Variants in STK32B observed in about 807,000 individuals in gnomAD.
STK32B encodes serine/threonine kinase 32B.
STK32B carries 43 observed loss-of-function variants against 52.6 expected under a neutral mutation model. The observed-to-expected ratio is 0.82, with a 90% confidence interval of 0.64 to 1.05. The LOEUF is 1.05. Ranked by LOEUF, STK32B falls within the 50% of genes least tolerant of loss-of-function variation. The pLI is 0.00. For synonymous variants in STK32B, 238 were observed against 204.3 expected (o/e 1.17, Z -1.41); for missense variants, 621 against 534.6 (o/e 1.16, Z -1.59).
intron 11 of STK32B, among the ~76,000 whole-genome samples, chr4:5,485,754 G>A (rs1044042470): frequency 6.6e-6 from 1 of 152,176 alleles, no homozygotes; most frequent in Non-Finnish European, 1.5e-5. Context: ...GTGATGTACA[G>A]ATGGGGTTTT....
chr4:5,458,227 T>C (rs1274645726), intron 8 of STK32B, among the ~76,000 whole-genome samples: 1 of 152,194 alleles, frequency 6.6e-6, no homozygotes, highest in Non-Finnish European at 1.5e-5. Context: ...GAGATCTTGG[T>C]GCCCTGCCTT....
intron 3 of STK32B, among the ~76,000 whole-genome samples, chr4:5,295,888 T>C (rs1316481185): frequency 6.6e-6 from 1 of 152,206 alleles, no homozygotes; most frequent in South Asian, 2.1e-4. Context: ...TTTCCCACTT[T>C]CTGATGTGGG....
chr4:5,116,488 T>A (rs1444951433), intron 1 of STK32B, among the ~76,000 whole-genome samples: 1 of 152,216 alleles, frequency 6.6e-6, no homozygotes, highest in African/African-American at 2.4e-5. Context: ...CTCATATACT[T>A]ATTTTGGGGG....
intron 7 of STK32B, among the ~76,000 whole-genome samples, chr4:5,448,323 T>C (rs1715658787): frequency 6.6e-6 from 1 of 152,248 alleles, no homozygotes; most frequent in Non-Finnish European, 1.5e-5. Flanking sequence ...GCCTGTGTGG[T>C]GTTCCTGCTC....
chr4:5,468,833 C>T (rs370318493), intron 11 of STK32B, among the ~76,000 whole-genome samples: 4 of 152,022 alleles, frequency 2.6e-5, no homozygotes, highest in Non-Finnish European at 5.9e-5. Context: ...GAGGCTGAGG[C>T]GGGCAGATCA....
chr4:5,201,458 C>T (rs1247852550), intron 3 of STK32B, among the ~76,000 whole-genome samples: 2 of 152,158 alleles, frequency 1.3e-5, no homozygotes, highest in African/African-American at 4.8e-5. Flanking sequence ...GATATCCATA[C>T]TCAGATCAGT....
chr4:5,152,580 C>T (rs1249730346), intron 2 of STK32B, among the ~76,000 whole-genome samples: 2 of 152,244 alleles, frequency 1.3e-5, no homozygotes, highest in Non-Finnish European at 2.9e-5. Flanking sequence ...AGCCTACTTC[C>T]ATGGAGGATG....
intron 1 of STK32B, among the ~76,000 whole-genome samples, chr4:5,062,146 G>A (rs2108759051): frequency 6.6e-6 from 1 of 152,260 alleles, no homozygotes; most frequent in South Asian, 2.1e-4. Context: ...TAATCCCCAT[G>A]CTACCTAAGA....
chr4:5,311,923 T>A (rs867389203), intron 3 of STK32B, among the ~76,000 whole-genome samples: 7 of 150,966 alleles, frequency 4.6e-5, no homozygotes, highest in East Asian at 1.9e-4. Context: ...TATTTTTTTT[T>A]AAAGTTTATT....
At chr4:5,033,783 G>A in the STK32B span, among the ~76,000 whole-genome samples, 6 of 152,212 alleles carry the variant, frequency 3.9e-5, no homozygotes, top group Admixed American at 6.5e-5. Context: ...GGCTGGAAGA[G>A]GTAGACAAGA....
At chr4:5,256,932 C>T (rs1726343247) in intron 3 of STK32B, among the ~76,000 whole-genome samples, 1 of 152,076 alleles carries the variant, frequency 6.6e-6, no homozygotes, top group South Asian at 2.1e-4. Flanking sequence ...GAGCAGGTAC[C>T]CAGTGAATGA....
rs1176581027 is a variant in STK32B, at chr4:5,159,731, ATATATATGAATATATGAATG to A, written c.109-8562_109-8543del. On this transcript the variant is annotated intron_variant, in intron 2 of 11. Coordinates refer to ENST00000282908, the MANE Select transcript of STK32B (RefSeq NM_018401.3). ...AATATATATATGAATGTATATGAATATATATATGAATATATGAATGTATATGAATATATATATGAATATAT... is the reference window on the plus strand; with the variant it reads ...AATATATATATGAATGTATATGAATATATATGAATATATATATGAATATAT... Among the ~76,000 whole-genome samples the A allele has an allele frequency of 2.2e-3, 237 of 105,794 alleles. 20 individuals are homozygous for A. The highest frequency in any genetic ancestry group is 0.017 in the African/African-American group (223 of 13,040). 69.4% of individuals were successfully genotyped at this position (105,794 alleles called of 152,430 possible).
chr4:5,165,280 G>A (rs559226792), intron 2 of STK32B, among the ~76,000 whole-genome samples: 19 of 152,220 alleles, frequency 1.2e-4, no homozygotes, highest in Middle Eastern at 3.4e-3. Context: ...TGTATCAACC[G>A]CCTGCTTTTG....
chr4:5,350,789 A>G (rs1363490753), intron 4 of STK32B, among the ~76,000 whole-genome samples: 1 of 152,148 alleles, frequency 6.6e-6, no homozygotes, highest in Non-Finnish European at 1.5e-5. Flanking sequence ...GTAAAAGGAT[A>G]GAAAAAGATA....
At chr4:5,369,233 AC>A (rs1357559255) in intron 4 of STK32B, among the ~76,000 whole-genome samples, 4 of 151,718 alleles carry the variant, frequency 2.6e-5, no homozygotes, top group Admixed American at 1.3e-4. Context: ...AGAGAACCAC[AC>A]CCTAAGCATG....
intron 3 of STK32B, among the ~76,000 whole-genome samples, chr4:5,193,292 G>C (rs1721378741): frequency 6.6e-6 from 1 of 152,110 alleles, no homozygotes; most frequent in African/African-American, 2.4e-5. Context: ...CATCCTCCTT[G>C]CTCGGCAGAT....
At chr4:5,283,066 C>A (rs1228488517) in intron 3 of STK32B, among the ~76,000 whole-genome samples, 1 of 152,014 alleles carries the variant, frequency 6.6e-6, no homozygotes, top group Non-Finnish European at 1.5e-5. Flanking sequence ...ATGAACAACT[C>A]CCCATCTCCT....
chr4:5,275,663 A>G (rs1330024853), intron 3 of STK32B, among the ~76,000 whole-genome samples: 1 of 151,938 alleles, frequency 6.6e-6, no homozygotes, highest in Non-Finnish European at 1.5e-5. Flanking sequence ...CGTGGTGTGT[A>G]GTGAGTGCTT....
intron 3 of STK32B, among the ~76,000 whole-genome samples, chr4:5,257,949 G>GAAAAAGAA (rs1253573901): frequency 1.3e-5 from 2 of 151,676 alleles, no homozygotes; most frequent in East Asian, 1.9e-4. Flanking sequence ...TCTCAAAAAA[G>GAAAAAGAA]AAAAAGAAAA....
Sources: gnomAD v4.1 joint callset for allele counts (sites outside exome capture counted in the v4.1 genomes callset) on GRCh38, gnomAD v4.1.1 for gene constraint, MANE v1.5 for transcripts, NCBI Gene and HGNC (gene_info 2026-07-23, HGNC 2026-07-21) for gene names.